MAP3K3: variants seen among roughly 807,000 people sequenced by gnomAD.
MAP3K3 encodes mitogen-activated protein kinase kinase kinase 3.
A neutral mutation model predicts 80.9 loss-of-function variants in MAP3K3; 12 were observed. The ratio of observed to expected loss-of-function variants is 0.15; its 90% confidence interval spans 0.10 to 0.24. The LOEUF is 0.24. Ranked by LOEUF, MAP3K3 falls within the 10% of genes least tolerant of loss-of-function variation. The probability of loss-of-function intolerance (pLI) is 1.00; values close to 1 mark genes in which losing one functional copy is unlikely to be tolerated. For missense variants in MAP3K3, 596 were observed against 834.7 expected (o/e 0.71, Z 3.52); for synonymous variants, 272 against 307.1 (o/e 0.89, Z 1.19).
At chr17:63,650,658 TAGAGAGAGAGAGAGAGAGAGAGAG>T (rs61412799) in intron 3 of MAP3K3, among the ~76,000 whole-genome samples, 1 of 117,234 alleles carries the variant, frequency 8.5e-6, no homozygotes, top group African/African-American at 3.3e-5. Context: ...CTGTCTCTTA[TAGAGAGAGAGAGAGAGAGAGAGAG>T]AGAGAGAGAG....
chr17:63,692,828 T>G lies in MAP3K3; in HGVS notation c.1652+409T>G, dbSNP rs548877607. Among the ~76,000 whole-genome samples, 9 of 152,312 alleles carry G rather than the reference T, an allele frequency of 5.9e-5. No individual in the cohort carries two copies. Among genetic ancestry groups the G allele is most frequent in the Middle Eastern group, 3.4e-3 (1 of 294 alleles). The stretch of plus-strand genomic sequence containing the variant: ...CCTAAGTCAGGAGAGCTTCTCCCCT[T>G]GGAAAGCTATTGTGGTGGGCTGAAT... On this transcript the variant is annotated intron_variant, in intron 15 of 15. Coordinates refer to ENST00000361733, the MANE Select transcript of MAP3K3 (RefSeq NM_002401.5). This position sits in a 1 kb window ranked among gnomAD's most constrained non-coding sequence, Gnocchi z 4.5.
At chr17:63,646,100 T>C in intron 3 of MAP3K3, 26 bp downstream of exon 3, 1 of 1,610,618 alleles carries the variant, frequency 6.2e-7, no homozygotes. Flanking sequence ...GATGAGTAGC[T>C]GTGTTCATGT....
At chr17:63,625,851 C>T (rs1208165406) in intron 1 of MAP3K3, among the ~76,000 whole-genome samples, 2 of 152,264 alleles carry the variant, frequency 1.3e-5, no homozygotes, top group Middle Eastern at 3.4e-3. Context: ...ACTGGTAGAT[C>T]GCTTGAGCCC....
chr17:63,640,823 T>C (rs9904425), intron 2 of MAP3K3, among the ~76,000 whole-genome samples: 5,231 of 152,188 alleles, frequency 0.034, 318 homozygotes, highest in African/African-American at 0.12. Flanking sequence ...GAAGAGAGTA[T>C]AGAACTTGAT....
chr17:63,651,455 C>G (rs2034654881), intron 3 of MAP3K3, among the ~76,000 whole-genome samples: 2 of 152,064 alleles, frequency 1.3e-5, no homozygotes, highest in Admixed American at 1.3e-4. Context: ...GCCTAGGTGA[C>G]AGAACGAGAC....
At chr17:63,627,861 G>A (rs1271073029) in intron 1 of MAP3K3, among the ~76,000 whole-genome samples, 1 of 152,006 alleles carries the variant, frequency 6.6e-6, no homozygotes, top group Non-Finnish European at 1.5e-5. Context: ...TGGACTTACA[G>A]GTGTGAGCCA....
chr17:63,648,363 C>T (rs2034580786), intron 3 of MAP3K3, among the ~76,000 whole-genome samples: 1 of 152,170 alleles, frequency 6.6e-6, no homozygotes, highest in African/African-American at 2.4e-5. Flanking sequence ...GACCCTTTTG[C>T]ACTGTTGCTG....
intron 2 of MAP3K3, among the ~76,000 whole-genome samples, chr17:63,641,257 T>C (rs973460595): frequency 1.3e-5 from 2 of 151,790 alleles, no homozygotes; most frequent in Non-Finnish European, 2.9e-5. Flanking sequence ...TTTTTTTTTT[T>C]CCTGAGATGG....
chr17:63,669,472 C>CTT (rs535427198), intron 6 of MAP3K3, among the ~76,000 whole-genome samples: 6 of 145,780 alleles, frequency 4.1e-5, no homozygotes, highest in Middle Eastern at 7.3e-3. Context: ...ATTATGTTGT[C>CTT]TTTTTTTTTT....
Position 63,689,201 on chromosome 17 carries a change from C to G in MAP3K3, c.871+320C>G, listed in dbSNP as rs1446863004. On this transcript the variant is annotated intron_variant, in intron 10 of 15. Transcript: ENST00000361733. The surrounding 1 kb of genome is among the most constrained non-coding windows in gnomAD (Gnocchi z 4.3). ...CTGTAGAGGGGTAAGGAGTAGGATA[C>G]AAGGAAATCAGTGCCTTCGGGTGTG... The G allele has an allele frequency of 3.7e-6, 2 of 536,688 alleles. No homozygotes were observed. The highest frequency in any genetic ancestry group is 6.6e-6 in the Non-Finnish European group (2 of 301,202). The allele number at this position is 536,688 out of a possible 1,614,324, so 33.2% of individuals were successfully genotyped here.
At position 63,689,001 on chromosome 17, in the gene MAP3K3, C is replaced by T. The variant is rs2035523903; in HGVS notation, c.871+120C>T. On this transcript the variant is annotated intron_variant, in intron 10 of 15. Coordinates refer to ENST00000361733, the MANE Select transcript of MAP3K3 (RefSeq NM_002401.5). The surrounding 1 kb of genome is among the most constrained non-coding windows in gnomAD (Gnocchi z 4.3). ...CCTTCATTCCTGAGGATTTGTGGCCCAGACTTGAGGCATGGGAGACAGGAA... is the reference window on the plus strand; with the variant it reads ...CCTTCATTCCTGAGGATTTGTGGCCTAGACTTGAGGCATGGGAGACAGGAA... The T allele has an allele frequency of 2.8e-6, 2 of 721,962 alleles. No homozygotes were observed. The highest frequency in any genetic ancestry group is 2.5e-5 in the East Asian group (1 of 39,522). The allele number at this position is 721,962 out of a possible 1,614,324, so 44.7% of individuals were successfully genotyped here. A position where few individuals can be genotyped will look rare whatever the true frequency, so the allele number is the denominator to read the frequency against.
intron 2 of MAP3K3, among the ~76,000 whole-genome samples, chr17:63,641,651 G>A (rs1196296964): frequency 6.6e-6 from 1 of 152,186 alleles, no homozygotes; most frequent in Non-Finnish European, 1.5e-5. Context: ...TTGGACTCCA[G>A]TGCTACATTC....
At chr17:63,688,931 G>A in intron 10 of MAP3K3, 50 bp downstream of exon 10, 1 of 1,402,378 alleles carries the variant, frequency 7.1e-7, no homozygotes, top group Non-Finnish European at 1.0e-6. Flanking sequence ...GAAAGGACAA[G>A]TTGCCATGGG....
intron 6 of MAP3K3, among the ~76,000 whole-genome samples, chr17:63,675,909 A>G (rs565479760): frequency 3.3e-4 from 50 of 152,336 alleles, no homozygotes; most frequent in African/African-American, 1.2e-3. Context: ...GTAAATACGT[A>G]GTTTTATGGT....
chr17:63,626,281 C>T (rs1568119410), intron 1 of MAP3K3, among the ~76,000 whole-genome samples: 1 of 152,142 alleles, frequency 6.6e-6, no homozygotes, highest in Non-Finnish European at 1.5e-5. Flanking sequence ...CCTGTGTTAT[C>T]CTGTCCTCAA....
chr17:63,675,185 C>T (rs1466644237), intron 6 of MAP3K3, among the ~76,000 whole-genome samples: 1 of 152,144 alleles, frequency 6.6e-6, no homozygotes, highest in Non-Finnish European at 1.5e-5. Context: ...TATGGAAATT[C>T]TACCCACTAC....
Position 63,685,735 on chromosome 17 carries a change from G to A in MAP3K3, c.710+145G>A, listed in dbSNP as rs1052267438. 3.3e-5 allele frequency: 22 copies of A among 660,280 alleles called. No homozygotes were observed. In the Admixed American group the frequency reaches 3.5e-4, roughly 11 times the overall value. The allele number at this position is 660,280 out of a possible 1,614,324, so 40.9% of individuals were successfully genotyped here. A position where few individuals can be genotyped will look rare whatever the true frequency, so the allele number is the denominator to read the frequency against. ...TTCTCCTTAATTTCCCCAACACCAC[G>A]AGAATGTTATGATGGCATAATTAAA... On this transcript the variant is annotated intron_variant, in intron 8 of 15. Coordinates refer to ENST00000361733, the MANE Select transcript of MAP3K3 (RefSeq NM_002401.5).
intron 1 of MAP3K3, 86 bp downstream of exon 1, chr17:63,622,849 G>T: frequency 2.6e-6 from 1 of 377,742 alleles, no homozygotes; most frequent in South Asian, 1.9e-5. Context: ...CTGGGCCACC[G>T]CCTGACAGGC....
Position 63,695,423 on chromosome 17 carries a change from G to A in MAP3K3, c.*1646G>A, listed in dbSNP as rs2035672292. ...AAAGCAGCTGGTTTTGCAGAAGTGTGTGTCGCATGCGCCAGTTGGGCCTGG... is the reference window on the plus strand; with the variant it reads ...AAAGCAGCTGGTTTTGCAGAAGTGTATGTCGCATGCGCCAGTTGGGCCTGG... On this transcript the variant is annotated 3_prime_UTR_variant, in exon 16 of 16. Transcript: ENST00000361733. This position sits in a 1 kb window ranked among gnomAD's most constrained non-coding sequence, Gnocchi z 4.1. 1 of 152,706 alleles carries A rather than the reference G, an allele frequency of 6.5e-6. No homozygotes were observed. Among genetic ancestry groups the A allele is most frequent in the African/African-American group, 2.4e-5 (1 of 41,468 alleles). The allele number at this position is 152,706 out of a possible 1,614,324, so 9.5% of individuals were successfully genotyped here.
Sources: gnomAD v4.1 joint callset for allele counts (sites outside exome capture counted in the v4.1 genomes callset) on GRCh38, gnomAD v4.1.1 for gene constraint, Gnocchi (gnomAD v3.1) non-coding constraint, MANE v1.5 for transcripts, NCBI Gene and HGNC (gene_info 2026-07-23, HGNC 2026-07-21) for gene names.